TTC6: variants seen among roughly 807,000 people sequenced by gnomAD.
TTC6 encodes the protein tetratricopeptide repeat domain 6, also known as tetratricopeptide repeat protein 6.
A neutral mutation model predicts 210.4 loss-of-function variants in TTC6; 172 were observed. The ratio of observed to expected loss-of-function variants is 0.82; its 90% confidence interval spans 0.72 to 0.93. TTC6 has a LOEUF of 0.93. TTC6 is among the 40% of genes least tolerant of loss of function. The pLI, the probability that TTC6 is intolerant of heterozygous loss-of-function variation, is 0.00. For synonymous variants in TTC6, 804 were observed against 819.6 expected (o/e 0.98, Z 0.32); for missense variants, 2,414 against 2,318.1 (o/e 1.04, Z -0.85).
chr14:37,630,749 T>C (rs572092268), intron 1 of TTC6, among the ~76,000 whole-genome samples: 6 of 152,084 alleles, frequency 3.9e-5, no homozygotes, highest in Non-Finnish European at 8.8e-5. Flanking sequence ...ACCTGCTTTA[T>C]GAATCTGGGT....
intron 14 of TTC6, among the ~76,000 whole-genome samples, chr14:37,764,445 T>C (rs1313059459): frequency 6.6e-6 from 1 of 152,180 alleles, no homozygotes; most frequent in Non-Finnish European, 1.5e-5. Flanking sequence ...TGCATATATT[T>C]TGGGGCTCTG....
chr14:37,794,762 T>C (rs1365256102), intron 17 of TTC6, among the ~76,000 whole-genome samples: 3 of 152,136 alleles, frequency 2.0e-5, no homozygotes, highest in Non-Finnish European at 4.4e-5. Flanking sequence ...CCTATTATTG[T>C]TTTTGTCTAG....
At chr14:37,728,417 C>CAA (rs5807966) in intron 7 of TTC6, among the ~76,000 whole-genome samples, 7 of 148,320 alleles carry the variant, frequency 4.7e-5, no homozygotes, top group Non-Finnish European at 1.0e-4. Context: ...CTATCACTAC[C>CAA]AAAAAAAAAA....
At chr14:37,602,012 C>A (rs1395573322) in intron 1 of TTC6, among the ~76,000 whole-genome samples, 1 of 152,238 alleles carries the variant, frequency 6.6e-6, no homozygotes, top group Non-Finnish European at 1.5e-5. Context: ...GCCGAGCCCA[C>A]GTAGTGAGAA....
intron 1 of TTC6, among the ~76,000 whole-genome samples, chr14:37,658,660 C>T (rs939268752): frequency 2.6e-5 from 4 of 152,070 alleles, no homozygotes; most frequent in Non-Finnish European, 5.9e-5. Flanking sequence ...CCTTAAAAGC[C>T]TTGACTTCTA....
chr14:37,733,829 C>T (rs920903331), intron 7 of TTC6, among the ~76,000 whole-genome samples: 2 of 151,932 alleles, frequency 1.3e-5, no homozygotes, highest in African/African-American at 4.8e-5. Context: ...TATTAATTAC[C>T]TTTTTTTCTC....
At chr14:37,703,185 A>G (rs2095828786) in intron 5 of TTC6, among the ~76,000 whole-genome samples, 1 of 152,026 alleles carries the variant, frequency 6.6e-6, no homozygotes, top group Non-Finnish European at 1.5e-5. Flanking sequence ...TACACAAGCC[A>G]AGCATCATTT....
rs537501269 is a variant in TTC6, at chr14:37,787,674, A to G, written c.3436+37A>G. 7 of 1,387,718 alleles carry G rather than the reference A, an allele frequency of 5.0e-6. No homozygotes were observed. The African/African-American group carries it at 5.7e-5, about 11-fold the overall frequency. The allele number at this position is 1,387,718 out of a possible 1,614,324, so 86.0% of individuals were successfully genotyped here. On this transcript the variant is annotated intron_variant, in intron 15 of 30. Coordinates refer to ENST00000553443, the Ensembl canonical transcript of TTC6. Reference sequence around the variant, plus strand: ...TCAATTACATGTATATAGCAACCCAATCTGAGATTCAACAGCTCAGTTTCA... The same window carrying G: ...TCAATTACATGTATATAGCAACCCAGTCTGAGATTCAACAGCTCAGTTTCA...
At chr14:37,771,728 A>T (rs1400892171) in intron 14 of TTC6, among the ~76,000 whole-genome samples, 2 of 152,002 alleles carry the variant, frequency 1.3e-5, no homozygotes, top group Non-Finnish European at 2.9e-5. Context: ...AAAGTTTTCA[A>T]CTTCTTTGTC....
rs2095821427 is a variant in TTC6 at position 37,699,800 on chromosome 14, A to T, written c.1377-1532A>T. On this transcript the variant is annotated intron_variant, in intron 4 of 30. Transcript: ENST00000553443. ...ATGTTTTCTATCTTCAAAAGGAGGA[A>T]TCTAGTTGAGGTAGTGATATTAGAG... Among the ~76,000 whole-genome samples the T allele has an allele frequency of 2.0e-5, 3 of 152,106 alleles. No individual in the cohort carries two copies. In the South Asian group the frequency reaches 6.2e-4, roughly 31 times the overall value.
intron 1 of TTC6, among the ~76,000 whole-genome samples, chr14:37,659,929 G>T (rs2095733677): frequency 6.6e-6 from 1 of 151,986 alleles, no homozygotes; most frequent in Non-Finnish European, 1.5e-5. Context: ...CATGTCATTT[G>T]CCCACTTTTT....
intron 7 of TTC6, among the ~76,000 whole-genome samples, chr14:37,728,577 C>A (rs1307264048): frequency 6.6e-6 from 1 of 152,086 alleles, no homozygotes; most frequent in African/African-American, 2.4e-5. Flanking sequence ...GTATGTCTAG[C>A]CCTGTGTTCT....
chr14:37,600,149 T>C (rs1594989409), intron 1 of TTC6, among the ~76,000 whole-genome samples: 1 of 152,136 alleles, frequency 6.6e-6, no homozygotes, highest in Admixed American at 6.5e-5. Flanking sequence ...ACCTCTTAGG[T>C]ATCCGTTAGA....
At chr14:37,641,701 T>C (rs2095692129) in intron 1 of TTC6, among the ~76,000 whole-genome samples, 1 of 152,218 alleles carries the variant, frequency 6.6e-6, no homozygotes, top group African/African-American at 2.4e-5. Context: ...TCTCATTTCA[T>C]ACATTTTCTT....
Position 37,810,903 on chromosome 14 carries a change from C to T in TTC6, c.4570-1411C>T, listed in dbSNP as rs1321129596. 4.6e-5 allele frequency among the ~76,000 whole-genome samples: 7 copies of T among 152,180 alleles called. No individual in the cohort carries two copies. In the East Asian group the frequency reaches 1.3e-3, roughly 29 times the overall value. ...GACAGGAACTGAGCTAAATGCTTCA[C>T]TGACATACAATCAAAATATTTTTAA... On this transcript the variant is annotated intron_variant, in intron 24 of 30. Coordinates refer to ENST00000553443, the Ensembl canonical transcript of TTC6.
At chr14:37,684,801 A>G (rs1349018619) in intron 3 of TTC6, among the ~76,000 whole-genome samples, 2 of 152,214 alleles carry the variant, frequency 1.3e-5, no homozygotes, top group Non-Finnish European at 2.9e-5. Context: ...AAATGTTAGC[A>G]GAATGACGAA....
intron 14 of TTC6, among the ~76,000 whole-genome samples, chr14:37,754,589 C>T (rs542258077): frequency 6.6e-6 from 1 of 152,048 alleles, no homozygotes; most frequent in Non-Finnish European, 1.5e-5. Context: ...TCTGCCACCA[C>T]ACCTGGCTAA....
chr14:37,734,122 A>AT (rs1881200719), intron 7 of TTC6, among the ~76,000 whole-genome samples: 1 of 152,146 alleles, frequency 6.6e-6, no homozygotes, highest in African/African-American at 2.4e-5. Flanking sequence ...TCCAAAGGAC[A>AT]TTTTTGTTAG....
intron 29 of TTC6, among the ~76,000 whole-genome samples, chr14:37,828,763 T>G (rs2096178056): frequency 6.6e-6 from 1 of 152,058 alleles, no homozygotes; most frequent in Non-Finnish European, 1.5e-5. Flanking sequence ...AAAGGGTATC[T>G]ACTATCAGGA....
Sources: allele counts gnomAD v4.1 joint callset (sites outside exome capture counted in the v4.1 genomes callset), GRCh38; gene constraint gnomAD v4.1.1; transcripts MANE v1.5; gene names NCBI Gene and HGNC (gene_info 2026-07-23, HGNC 2026-07-21).